STAT4: variants seen among roughly 807,000 people sequenced by gnomAD.
The protein encoded by STAT4 is signal transducer and activator of transcription 4.
Under a neutral mutation model 110.5 loss-of-function variants are expected in STAT4, and 42 were observed. The observed-to-expected ratio is 0.38, with a 90% CI of 0.30 to 0.49. STAT4 has a LOEUF of 0.49. Ranked by LOEUF, STAT4 falls within the 20% of genes least tolerant of loss-of-function variation. STAT4 has a pLI of 0.95. For missense variants in STAT4, 632 were observed against 887.9 expected (o/e 0.71, Z 3.66); for synonymous variants, 284 against 302.2 (o/e 0.94, Z 0.63).
At position 191,058,060 on chromosome 2, in the gene STAT4, T is replaced by C. The variant is rs1194963536; in HGVS notation, c.1164A>G (p.Glu388=). 6.2e-7 allele frequency: 1 copy of C among 1,614,122 alleles called. No homozygotes were observed. Among genetic ancestry groups the C allele is most frequent in the Admixed American group, 1.7e-5 (1 of 60,016 alleles). The part of the protein sequence containing the change: ...CGTNVKAMSI[E]ESSNGSLSVE... ...CTGAGAGACTCCCATTGGAAGATTC[T>C]TCAATAGACATGGCTTTGACATTAG... Residue 388 remains glutamate, a synonymous_variant, in exon 13 of 24, where the codon GAA becomes GAG. Coordinates refer to ENST00000392320, the MANE Select transcript of STAT4 (RefSeq NM_003151.4). This position sits in a 1 kb window ranked among gnomAD's most constrained non-coding sequence, Gnocchi z 4.3.
chr2:191,147,066 G>A lies in STAT4; in HGVS notation c.129-309C>T, dbSNP rs902150065. On this transcript the variant is annotated intron_variant, in intron 2 of 23. Coordinates refer to ENST00000392320, the MANE Select transcript of STAT4 (RefSeq NM_003151.4). This position sits in a 1 kb window ranked among gnomAD's most constrained non-coding sequence, Gnocchi z 4.1. The stretch of plus-strand genomic sequence containing the variant: ...TGCAATGCTGGTGGGAAGGTAAAAT[G>A]GTCAATCACTGTGGAAAACTATATG... Among the ~76,000 whole-genome samples the A allele has an allele frequency of 1.3e-5, 2 of 152,034 alleles. No homozygotes were observed. The highest frequency in any genetic ancestry group is 4.8e-5 in the African/African-American group (2 of 41,390).
chr2:191,064,460 T>G (rs1696931153), intron 8 of STAT4, among the ~76,000 whole-genome samples: 1 of 152,216 alleles, frequency 6.6e-6, no homozygotes, highest in African/African-American at 2.4e-5. Flanking sequence ...AACTAACATT[T>G]AAAGTTGAGA....
intron 3 of STAT4, among the ~76,000 whole-genome samples, chr2:191,126,997 T>C (rs1698899294): frequency 6.6e-6 from 1 of 152,054 alleles, no homozygotes; most frequent in Non-Finnish European, 1.5e-5. Context: ...TTTTTTAATC[T>C]TTTTTGTAGA....
At chr2:191,120,730 A>G (rs974177275) in intron 3 of STAT4, among the ~76,000 whole-genome samples, 1 of 152,202 alleles carries the variant, frequency 6.6e-6, no homozygotes, top group Admixed American at 6.5e-5. Flanking sequence ...ATATGTAGAA[A>G]GCGGAAACTG....
In STAT4 at chr2:191,135,742, C is replaced by T. The variant is rs527883648; in HGVS notation, c.273+10871G>A. Among the ~76,000 whole-genome samples, 1 of 152,326 alleles carries T rather than the reference C, an allele frequency of 6.6e-6. No individual in the cohort carries two copies. Among genetic ancestry groups the T allele is most frequent in the East Asian group, 1.9e-4 (1 of 5,188 alleles). ...TCAGCTTCCCAAAGTGCTGGGATTACAGGCATGTGCCAACACACTTGACCT... is the reference window on the plus strand; with the variant it reads ...TCAGCTTCCCAAAGTGCTGGGATTATAGGCATGTGCCAACACACTTGACCT... On this transcript the variant is annotated intron_variant, in intron 3 of 23. Coordinates refer to ENST00000392320, the MANE Select transcript of STAT4 (RefSeq NM_003151.4). The surrounding 1 kb of genome is among the most constrained non-coding windows in gnomAD (Gnocchi z 4.8).
At chr2:191,065,015 T>G in intron 7 of STAT4, 57 bp from the exon 8 acceptor site, 3 of 1,444,228 alleles carry the variant, frequency 2.1e-6, no homozygotes, top group Non-Finnish European at 2.7e-6. Context: ...CACTTAGAAT[T>G]CAATTTACAA....
rs866111676 is a variant in STAT4 at position 191,043,844 on chromosome 2, A to G, written c.1252-2696T>C. 3.8e-4 allele frequency among the ~76,000 whole-genome samples: 58 copies of G among 152,322 alleles called. No homozygotes were observed. The highest frequency in any genetic ancestry group is 1.2e-3 in the African/African-American group (49 of 41,578). On this transcript the variant is annotated intron_variant, in intron 14 of 23. Transcript: ENST00000392320. The surrounding 1 kb of genome is among the most constrained non-coding windows in gnomAD (Gnocchi z 4.8). ...TGAGCAAGAAAAGCAAGTTGTGATA[A>G]AATATATACATAAGGATGCCATTTA...
In STAT4 at chr2:191,064,895, T is replaced by A. The variant is rs1282801873; in HGVS notation, c.694A>T (p.Ile232Leu). Residue 232 changes from isoleucine (I) to leucine (L), a missense_variant, in exon 8 of 24, where the codon ATA (isoleucine) becomes TTA (leucine). Coordinates refer to ENST00000392320, the MANE Select transcript of STAT4 (RefSeq NM_003151.4). ...CGCTTCCAGTCTTGCAGCTCTTCTA[T>A]GAGCATGGTGTTCATTAACAGGTCT... ...ETDLLMNTML[I>L]EELQDWKRRQ... 6.2e-7 allele frequency: 1 copy of A among 1,613,336 alleles called. No individual in the cohort carries two copies. The highest frequency in any genetic ancestry group is 8.5e-7 in the Non-Finnish European group (1 of 1,179,578).
In STAT4 at chr2:191,030,902, T is replaced by C. The variant is rs1290665006; in HGVS notation, c.2220+70A>G. 1.4e-6 allele frequency: 2 copies of C among 1,437,662 alleles called. No individual in the cohort carries two copies. Among genetic ancestry groups the C allele is most frequent in the African/African-American group, 1.4e-5 (1 of 71,172 alleles). 89.1% of individuals were successfully genotyped at this position (1,437,662 alleles called of 1,614,324 possible). On this transcript the variant is annotated intron_variant, in intron 23 of 23. Transcript: ENST00000392320. This position sits in a 1 kb window ranked among gnomAD's most constrained non-coding sequence, Gnocchi z 4.4. ...CTACCCAGGCAGTATTTCAGCCCCT[T>C]TGATTCACACACCACCTTTGCATCG...
In STAT4 at chr2:191,099,327, T is replaced by C. The variant is rs73981272; in HGVS notation, c.274-23002A>G. On this transcript the variant is annotated intron_variant, in intron 3 of 23. Transcript: ENST00000392320. The surrounding 1 kb of genome is among the most constrained non-coding windows in gnomAD (Gnocchi z 4.1). ...TCAAAATATCAGAATTTAAAATGCT[T>C]ATATTTTGACTAGCAAGTCCATATC... Among the ~76,000 whole-genome samples, 617 of 152,258 alleles carry C rather than the reference T, an allele frequency of 4.1e-3. 7 individuals carry two copies. Among genetic ancestry groups the C allele is most frequent in the African/African-American group, 0.014 (576 of 41,574 alleles).
At chr2:191,069,835 C>A in intron 5 of STAT4, 64 bp from the exon 6 acceptor site, 1 of 1,344,864 alleles carries the variant, frequency 7.4e-7, no homozygotes, top group South Asian at 1.3e-5. Context: ...CAAACAACAT[C>A]ATAAGTATTT....
chr2:191,103,421 G>A (rs1698196435), intron 3 of STAT4, among the ~76,000 whole-genome samples: 1 of 152,128 alleles, frequency 6.6e-6, no homozygotes, highest in South Asian at 2.1e-4. Flanking sequence ...GTATCTAAAA[G>A]TCTGGAGAAG....
chr2:191,088,031 G>C (rs942166374), intron 3 of STAT4, among the ~76,000 whole-genome samples: 1 of 152,152 alleles, frequency 6.6e-6, no homozygotes, highest in Non-Finnish European at 1.5e-5. Context: ...ATTGCAAGTA[G>C]TAGCTTAATA....
Position 191,144,717 on chromosome 2 carries a change from T to C in STAT4, c.273+1896A>G, listed in dbSNP as rs1029009988. On this transcript the variant is annotated intron_variant, in intron 3 of 23. Transcript: ENST00000392320. The surrounding 1 kb of genome is among the most constrained non-coding windows in gnomAD (Gnocchi z 4.7). ...ATCTTATCCTCCAGCCCACAAAAGA[T>C]GGGTTGTTTTCTTACCCCTGATTTA... Among the ~76,000 whole-genome samples, 1 of 152,090 alleles carries C rather than the reference T, an allele frequency of 6.6e-6. No homozygotes were observed. The highest frequency in any genetic ancestry group is 2.4e-5 in the African/African-American group (1 of 41,434).
rs10553577 is a variant in STAT4 at position 191,090,463 on chromosome 2, T to TATA, written c.274-14141_274-14139dup. Among the ~76,000 whole-genome samples the TATA allele has an allele frequency of 2.0e-5, 3 of 151,626 alleles. No individual in the cohort carries two copies. The highest frequency in any genetic ancestry group is 2.9e-5 in the Non-Finnish European group (2 of 67,920). On this transcript the variant is annotated intron_variant, in intron 3 of 23. Coordinates refer to ENST00000392320, the MANE Select transcript of STAT4 (RefSeq NM_003151.4). The surrounding 1 kb of genome is among the most constrained non-coding windows in gnomAD (Gnocchi z 4.2). The stretch of plus-strand genomic sequence containing the variant: ...AAATTAACAATGCTCTGTTATTATT[T>TATA]ATAATAATAATAATAATACATCTAT...
intron 3 of STAT4, among the ~76,000 whole-genome samples, chr2:191,093,873 G>A (rs1697880390): frequency 2.0e-5 from 3 of 152,006 alleles, no homozygotes; most frequent in Non-Finnish European, 4.4e-5. Flanking sequence ...TAACTTGAAT[G>A]AAGTATAGAG....
At chr2:191,121,950 G>A (rs1698748119) in intron 3 of STAT4, 1 of 152,100 alleles carries the variant, frequency 6.6e-6, no homozygotes, top group Non-Finnish European at 1.5e-5. Context: ...GAGGATAATA[G>A]TGCTTGCTTC....
Position 191,131,584 on chromosome 2 carries a change from G to A in STAT4, c.273+15029C>T. The A allele has an allele frequency of 1.1e-5, 4 of 368,552 alleles. No homozygotes were observed. In the South Asian group the frequency reaches 4.3e-4, roughly 40 times the overall value. 22.8% of individuals were successfully genotyped at this position (368,552 alleles called of 1,614,324 possible). A position where few individuals can be genotyped will look rare whatever the true frequency, so the allele number is the denominator to read the frequency against. On this transcript the variant is annotated intron_variant, in intron 3 of 23. Transcript: ENST00000392320. ...AACAAAAAGAAAAAAAATGACAAAT[G>A]CAAATTTTGGGTCAGTGGTTGCTCC... is the stretch of plus-strand genomic sequence containing the variant.
intron 14 of STAT4, among the ~76,000 whole-genome samples, chr2:191,047,929 G>A (rs987905624): frequency 9.2e-5 from 14 of 152,222 alleles, no homozygotes; most frequent in Non-Finnish European, 1.6e-4. Context: ...GACTCCCAAA[G>A]TGCTGGGATT....
Sources: allele counts gnomAD v4.1 joint callset (sites outside exome capture counted in the v4.1 genomes callset), GRCh38; gene constraint gnomAD v4.1.1; non-coding constraint Gnocchi (gnomAD v3.1); transcripts MANE v1.5; gene names NCBI Gene and HGNC (gene_info 2026-07-23, HGNC 2026-07-21).